ACTR3B: variants seen among roughly 807,000 people sequenced by gnomAD.
ACTR3B encodes actin-related protein 3B.
ACTR3B carries 8 observed loss-of-function variants against 59.0 expected under a neutral mutation model. That is an observed-to-expected ratio of 0.14 (90% CI 0.08 to 0.24). ACTR3B has a LOEUF of 0.24. Ranked by LOEUF, ACTR3B falls within the 10% of genes least tolerant of loss-of-function variation. The probability of loss-of-function intolerance (pLI) is 1.00; values close to 1 mark genes in which losing one functional copy is unlikely to be tolerated. For missense variants in ACTR3B, 245 were observed against 552.3 expected (o/e 0.44, Z 5.58); for synonymous variants, 148 against 197.9 (o/e 0.75, Z 2.12).
At chr7:152,821,551 G>A (rs1022061423) in intron 7 of ACTR3B, among the ~76,000 whole-genome samples, 2 of 151,880 alleles carry the variant, frequency 1.3e-5, no homozygotes, top group African/African-American at 2.4e-5. Context: ...CCCTATTTCC[G>A]CCAGGATTGC....
At chr7:152,851,787 T>A (rs1359970345) in intron 9 of ACTR3B, among the ~76,000 whole-genome samples, 1 of 152,142 alleles carries the variant, frequency 6.6e-6, no homozygotes, top group Non-Finnish European at 1.5e-5. Context: ...CTGGTGTTAT[T>A]TTGGCTCAAG....
At chr7:152,798,609 T>C (rs1213597719) in intron 2 of ACTR3B, among the ~76,000 whole-genome samples, 2 of 152,228 alleles carry the variant, frequency 1.3e-5, no homozygotes, top group African/African-American at 2.4e-5. Context: ...CCCAGACCAA[T>C]GTCATAAAGC....
intron 1 of ACTR3B, among the ~76,000 whole-genome samples, chr7:152,765,991 AT>A (rs1409363642): frequency 2.0e-5 from 3 of 151,546 alleles, no homozygotes; most frequent in Non-Finnish European, 2.9e-5. Context: ...CTTCGCATTT[AT>A]TTTTTTCGGT....
At chr7:152,767,339 A>T (rs71541777) in intron 1 of ACTR3B, among the ~76,000 whole-genome samples, 8 of 152,116 alleles carry the variant, frequency 5.3e-5, no homozygotes, top group Non-Finnish European at 1.2e-4. Context: ...TATTGTGTTG[A>T]GTTAGTCTAT....
intron 10 of ACTR3B, 45 bp from the exon 11 acceptor site, chr7:152,853,449 T>A (rs759042951): frequency 1.3e-6 from 2 of 1,570,166 alleles, no homozygotes; most frequent in East Asian, 4.5e-5. Context: ...TTAGATCACA[T>A]GTGTCTGTGG....
intron 1 of ACTR3B, among the ~76,000 whole-genome samples, chr7:152,777,438 C>T (rs189977190): frequency 6.6e-6 from 1 of 152,190 alleles, no homozygotes; most frequent in East Asian, 1.9e-4. Flanking sequence ...GGAGTAATAG[C>T]TTATTCATGT....
At chr7:152,791,511 T>TA (rs1475907423) in intron 2 of ACTR3B, among the ~76,000 whole-genome samples, 3 of 152,268 alleles carry the variant, frequency 2.0e-5, no homozygotes, top group Admixed American at 1.3e-4. Context: ...GGTTACATCT[T>TA]ACAAATTGTA....
intron 2 of ACTR3B, among the ~76,000 whole-genome samples, chr7:152,788,182 T>G (rs2098180942): frequency 6.6e-6 from 1 of 151,162 alleles, no homozygotes; most frequent in African/African-American, 2.4e-5. Flanking sequence ...GTCTGGGAAC[T>G]CCTGACCTCA....
intron 1 of ACTR3B, among the ~76,000 whole-genome samples, chr7:152,766,915 T>C (rs927204359): frequency 4.6e-5 from 7 of 152,108 alleles, no homozygotes; most frequent in Non-Finnish European, 8.8e-5. Context: ...GCCTCCCGAG[T>C]AGCTGGGACT....
intron 1 of ACTR3B, among the ~76,000 whole-genome samples, chr7:152,782,303 GTTAA>G (rs2098156741): frequency 6.6e-6 from 1 of 150,618 alleles, no homozygotes; most frequent in Non-Finnish European, 1.5e-5. Flanking sequence ...AGACGTTACT[GTTAA>G]TTAGAGTAGT....
Position 152,854,113 on chromosome 7 carries a change from C to T in ACTR3B, c.1162-345C>T, listed in dbSNP as rs1799067373. ...GGGTTACAGAAAACATGGTAAGTGGCATCCAAAAATAATCTAAAAAAGTCC... is the reference window on the plus strand; with the variant it reads ...GGGTTACAGAAAACATGGTAAGTGGTATCCAAAAATAATCTAAAAAAGTCC... On this transcript the variant is annotated intron_variant, in intron 11 of 11. Transcript: ENST00000256001. This position sits in a 1 kb window ranked among gnomAD's most constrained non-coding sequence, Gnocchi z 4.9. Among the ~76,000 whole-genome samples the T allele has an allele frequency of 6.6e-6, 1 of 152,138 alleles. No homozygotes were observed. The highest frequency in any genetic ancestry group is 6.6e-5 in the Admixed American group (1 of 15,264).
chr7:152,804,860 C>T (rs1006762066), intron 4 of ACTR3B, among the ~76,000 whole-genome samples: 2 of 152,138 alleles, frequency 1.3e-5, no homozygotes, highest in African/African-American at 4.8e-5. Flanking sequence ...TGCTCCCAGT[C>T]CCAGTATGTT....
intron 1 of ACTR3B, among the ~76,000 whole-genome samples, chr7:152,762,460 A>T (rs2098092523): frequency 6.6e-6 from 1 of 152,108 alleles, no homozygotes; most frequent in Admixed American, 6.5e-5. Flanking sequence ...TTGCTTTGTC[A>T]CTCTCTGTAT....
intron 9 of ACTR3B, among the ~76,000 whole-genome samples, chr7:152,842,402 T>G (rs1226214127): frequency 6.6e-6 from 1 of 152,104 alleles, no homozygotes; most frequent in African/African-American, 2.4e-5. Context: ...CAGCTCGAGA[T>G]TTCATCATGC....
At chr7:152,762,638 A>T (rs1242444885) in intron 1 of ACTR3B, among the ~76,000 whole-genome samples, 20 of 152,246 alleles carry the variant, frequency 1.3e-4, no homozygotes, top group Non-Finnish European at 2.4e-4. Context: ...ATACAGTAGT[A>T]TCCTATATAC....
At chr7:152,775,743 G>C (rs6953833) in intron 1 of ACTR3B, among the ~76,000 whole-genome samples, 2 of 150,108 alleles carry the variant, frequency 1.3e-5, no homozygotes, top group South Asian at 4.2e-4. Context: ...CGGGCAACAA[G>C]AGCGAAACTC....
At chr7:152,814,267 G>A (rs1444809717) in intron 4 of ACTR3B, 21 of 348,010 alleles carry the variant, frequency 6.0e-5, no homozygotes, top group Non-Finnish European at 1.1e-4. Context: ...GGGGTGTTTA[G>A]GTGTTACGTT....
intron 9 of ACTR3B, among the ~76,000 whole-genome samples, chr7:152,848,175 C>T (rs1026848260): frequency 1.3e-5 from 2 of 152,216 alleles, no homozygotes; most frequent in African/African-American, 2.4e-5. Flanking sequence ...GAAGCAGACC[C>T]GCGTCTTCGA....
At chr7:152,766,412 G>A (rs898766972) in intron 1 of ACTR3B, among the ~76,000 whole-genome samples, 7 of 152,192 alleles carry the variant, frequency 4.6e-5, no homozygotes, top group African/African-American at 1.4e-4. Flanking sequence ...CAGAAGGAAA[G>A]CAAGGCATTG....
Sources: allele counts gnomAD v4.1 joint callset (sites outside exome capture counted in the v4.1 genomes callset), GRCh38; gene constraint gnomAD v4.1.1; non-coding constraint Gnocchi (gnomAD v3.1); transcripts MANE v1.5; gene names NCBI Gene and HGNC (gene_info 2026-07-23, HGNC 2026-07-21).